The following SYNE3 variants were observed in gnomAD, a reference collection of about 807,000 sequenced individuals.
The protein encoded by SYNE3 is nesprin-3.
SYNE3 carries 100 observed loss-of-function variants against 111.2 expected under a neutral mutation model. That is an observed-to-expected ratio of 0.90 (90% CI 0.77 to 1.06). The LOEUF is 1.06. Ranked by LOEUF, SYNE3 falls within the 50% of genes least tolerant of loss-of-function variation. The probability of loss-of-function intolerance (pLI) is 0.00; values close to 1 mark genes in which losing one functional copy is unlikely to be tolerated. For missense variants in SYNE3, 1,160 were observed against 1,240.3 expected (o/e 0.94, Z 0.97); for synonymous variants, 547 against 533.9 (o/e 1.02, Z -0.34).
chr14:95,501,729 G>A (rs895384429), intron 1 of SYNE3, among the ~76,000 whole-genome samples: 4 of 152,172 alleles, frequency 2.6e-5, no homozygotes, highest in Admixed American at 6.5e-5. Flanking sequence ...GGGCATGGGG[G>A]GAAGCAACAA....
chr14:95,421,075 G>C (rs575522805), intron 17 of SYNE3, among the ~76,000 whole-genome samples: 1 of 152,142 alleles, frequency 6.6e-6, no homozygotes, highest in Non-Finnish European at 1.5e-5. Flanking sequence ...CATGTAAGAT[G>C]TGCCTTTCTT....
intron 6 of SYNE3, among the ~76,000 whole-genome samples, chr14:95,452,965 A>G (rs989217659): frequency 6.6e-6 from 1 of 152,076 alleles, no homozygotes; most frequent in Non-Finnish European, 1.5e-5. Context: ...ATGTGCAAAC[A>G]CTCCAGACAC....
intron 14 of SYNE3, chr14:95,438,816 G>A: frequency 1.7e-6 from 1 of 573,820 alleles, no homozygotes; most frequent in Non-Finnish European, 3.0e-6. Context: ...CTGGTGGCCT[G>A]GCTCTGCAGA....
At chr14:95,425,854 A>G (rs1228236358) in intron 17 of SYNE3, among the ~76,000 whole-genome samples, 1 of 152,274 alleles carries the variant, frequency 6.6e-6, no homozygotes, top group East Asian at 1.9e-4. Context: ...TTTTATCAAC[A>G]TTGAGTGTTA....
intron 8 of SYNE3, among the ~76,000 whole-genome samples, chr14:95,448,669 T>C (rs28608011): frequency 0.043 from 6,545 of 152,234 alleles, 463 homozygotes; most frequent in African/African-American, 0.15. Context: ...GCCTGGGTGA[T>C]AGAGCAAGAC....
rs114565354 is a variant in SYNE3, at chr14:95,424,557, G to A, written c.2728-6531C>T. Reference sequence around the variant, plus strand: ...CACAGGGAGAAGCCTCTCTAAGGGCGGCCATTCTTAACTGATGGTCAGAGT... The same window carrying A: ...CACAGGGAGAAGCCTCTCTAAGGGCAGCCATTCTTAACTGATGGTCAGAGT... On this transcript the variant is annotated intron_variant, in intron 17 of 17. Transcript: ENST00000682763. Among the ~76,000 whole-genome samples the A allele has an allele frequency of 5.5e-3, 844 of 152,284 alleles. 14 individuals are homozygous for A. The highest frequency in any genetic ancestry group is 0.019 in the African/African-American group (804 of 41,534).
chr14:95,439,218 A>T, intron 13 of SYNE3, 56 bp from the exon 14 acceptor site: 1 of 1,605,914 alleles, frequency 6.2e-7, no homozygotes, highest in Non-Finnish European at 8.5e-7. Context: ...ACCCACCAGG[A>T]CATGGGAAAA....
intron 15 of SYNE3, among the ~76,000 whole-genome samples, chr14:95,434,313 C>T (rs1237028815): frequency 6.6e-6 from 1 of 152,188 alleles, no homozygotes; most frequent in Non-Finnish European, 1.5e-5. Flanking sequence ...TCTGCTTTTG[C>T]CCACAGAACA....
At chr14:95,488,833 G>A (rs1889693842) in intron 1 of SYNE3, among the ~76,000 whole-genome samples, 1 of 152,102 alleles carries the variant, frequency 6.6e-6, no homozygotes, top group Non-Finnish European at 1.5e-5. Context: ...TTCCTGCACG[G>A]CCTTGACAAC....
intron 5 of SYNE3, among the ~76,000 whole-genome samples, chr14:95,456,462 G>A (rs73340925): frequency 0.068 from 10,330 of 152,242 alleles, 1,134 homozygotes; most frequent in African/African-American, 0.23. Flanking sequence ...GGGCTGTCCT[G>A]TGCACTGTAG....
intron 1 of SYNE3, among the ~76,000 whole-genome samples, chr14:95,483,359 T>C (rs377042990): frequency 1.3e-5 from 2 of 152,222 alleles, no homozygotes; most frequent in South Asian, 4.1e-4. Context: ...GCGTGCTCGC[T>C]TGCCGTGACT....
intron 1 of SYNE3, chr14:95,516,223 C>A (rs995922678): frequency 6.6e-6 from 1 of 152,280 alleles, no homozygotes; most frequent in Non-Finnish European, 1.5e-5. Context: ...GGTGACAGGT[C>A]AGCCCGCCCC....
At chr14:95,455,839 G>C (rs899216673) in intron 5 of SYNE3, 115 bp from the exon 6 acceptor site, 17 of 1,073,096 alleles carry the variant, frequency 1.6e-5, no homozygotes, top group Non-Finnish European at 2.1e-5. Flanking sequence ...GGAGTCCTGC[G>C]TTAGAGCCAG....
At chr14:95,433,451 C>T (rs1566959653) in intron 15 of SYNE3, 42 bp from the exon 16 acceptor site, 2 of 1,607,526 alleles carry the variant, frequency 1.2e-6, no homozygotes, top group East Asian at 2.2e-5. Flanking sequence ...TCCAAATGGC[C>T]CAGACAGCCC....
chr14:95,430,769 A>G (rs1233744256), intron 17 of SYNE3, among the ~76,000 whole-genome samples: 1 of 150,960 alleles, frequency 6.6e-6, no homozygotes, highest in Non-Finnish European at 1.5e-5. Flanking sequence ...GGTTGCAGTG[A>G]GCTGAGATTG....
intron 1 of SYNE3, among the ~76,000 whole-genome samples, chr14:95,498,852 G>A (rs1311811264): frequency 6.6e-6 from 1 of 152,298 alleles, no homozygotes; most frequent in African/African-American, 2.4e-5. Flanking sequence ...CTGGCCCTGG[G>A]TCTATGGCAG....
chr14:95,491,978 T>A (rs1039521093), intron 1 of SYNE3, among the ~76,000 whole-genome samples: 1 of 152,190 alleles, frequency 6.6e-6, no homozygotes, highest in African/African-American at 2.4e-5. Context: ...TACCTACATC[T>A]AAGATGGCCA....
intron 1 of SYNE3, among the ~76,000 whole-genome samples, chr14:95,515,273 C>T (rs179152): frequency 0.22 from 32,756 of 152,194 alleles, 4,190 homozygotes; most frequent in Admixed American, 0.34. Flanking sequence ...GAGCACCGTC[C>T]GGCCTGAGGA....
intron 8 of SYNE3, among the ~76,000 whole-genome samples, chr14:95,446,802 T>A (rs893538203): frequency 2.0e-5 from 3 of 152,098 alleles, no homozygotes; most frequent in African/African-American, 7.2e-5. Context: ...CCCTACCTCC[T>A]CCAGGAAGCC....
Sources: allele counts gnomAD v4.1 joint callset (sites outside exome capture counted in the v4.1 genomes callset), GRCh38; gene constraint gnomAD v4.1.1; transcripts MANE v1.5; gene names NCBI Gene and HGNC (gene_info 2026-07-23, HGNC 2026-07-21).